Variants in CDK6 observed in about 807,000 individuals in gnomAD.
The protein encoded by CDK6 is cyclin dependent kinase 6.
In CDK6, 6 loss-of-function variants were observed where a neutral mutation model predicts 37.1. That is an observed-to-expected ratio of 0.16 (90% CI 0.09 to 0.32). CDK6 has a LOEUF of 0.32. Ranked by LOEUF, CDK6 falls within the 10% of genes least tolerant of loss-of-function variation. The pLI is 1.00. For synonymous variants in CDK6, 160 were observed against 161.3 expected, an observed-to-expected ratio of 0.99 and a Z score of 0.06; for missense variants, 224 against 418.9, an observed-to-expected ratio of 0.53 and a Z score of 4.06.
intron 5 of CDK6, among the ~76,000 whole-genome samples, chr7:92,658,394 A>C (rs896810508): frequency 6.6e-6 from 1 of 152,240 alleles, no homozygotes; most frequent in Admixed American, 6.5e-5. Flanking sequence ...TTAAATTATG[A>C]AATAAATGAA....
At chr7:92,720,279 AC>A (rs1274345458) in intron 4 of CDK6, among the ~76,000 whole-genome samples, 1 of 152,212 alleles carries the variant, frequency 6.6e-6, no homozygotes, top group Non-Finnish European at 1.5e-5. Context: ...TGAGAGTTCC[AC>A]AGAACACAGT....
intron 4 of CDK6, among the ~76,000 whole-genome samples, chr7:92,717,692 C>A (rs1003499660): frequency 1.3e-5 from 2 of 152,072 alleles, no homozygotes; most frequent in Admixed American, 1.3e-4. Context: ...AGAACTAATT[C>A]GCAACAGTGA....
Position 92,604,979 on chromosome 7 carries a change from TTAAAG to T in CDK6, c.*10156_*10160del, listed in dbSNP as rs1795393176. ...TCACTACAGTTATACTCATTTTACATTAAAGTAAAAAAGAAAATAGCCAGGAGAGT... is the reference window on the plus strand; with the variant it reads ...TCACTACAGTTATACTCATTTTACATTAAAAAAGAAAATAGCCAGGAGAGT... On this transcript the variant is annotated 3_prime_UTR_variant, in exon 8 of 8. Coordinates refer to ENST00000424848, the MANE Select transcript of CDK6 (RefSeq NM_001145306.2). The T allele has an allele frequency of 4.6e-6, 1 of 216,006 alleles. No homozygotes were observed. The highest frequency in any genetic ancestry group is 9.3e-6 in the Non-Finnish European group (1 of 107,804). The allele number at this position is 216,006 out of a possible 1,614,324, so 13.4% of individuals were successfully genotyped here.
chr7:92,775,915 A>C (rs1799838622), intron 2 of CDK6, among the ~76,000 whole-genome samples: 1 of 152,034 alleles, frequency 6.6e-6, no homozygotes, highest in South Asian at 2.1e-4. Context: ...TACCTCCGTT[A>C]ATTTTTTTTA....
chr7:92,741,058 G>C (rs1440946023), intron 3 of CDK6, among the ~76,000 whole-genome samples: 1 of 152,116 alleles, frequency 6.6e-6, no homozygotes, highest in Non-Finnish European at 1.5e-5. Context: ...TTGCTTGAAA[G>C]AGTAAAAAAA....
intron 2 of CDK6, among the ~76,000 whole-genome samples, chr7:92,815,640 A>G (rs562601754): frequency 6.6e-6 from 1 of 152,290 alleles, no homozygotes; most frequent in South Asian, 2.1e-4. Flanking sequence ...GAGGAACCTC[A>G]GAGTTCTGTA....
chr7:92,764,585 T>C (rs1321484178), intron 3 of CDK6, among the ~76,000 whole-genome samples: 1 of 152,188 alleles, frequency 6.6e-6, no homozygotes, highest in Admixed American at 6.5e-5. Flanking sequence ...TAAGAATCAA[T>C]CTTTCAGGAC....
At chr7:92,804,040 A>G (rs1473088572) in intron 2 of CDK6, among the ~76,000 whole-genome samples, 1 of 152,206 alleles carries the variant, frequency 6.6e-6, no homozygotes, top group Non-Finnish European at 1.5e-5. Flanking sequence ...CATATAGATT[A>G]GTGACATTTT....
chr7:92,628,430 G>A (rs1350631475), intron 5 of CDK6, among the ~76,000 whole-genome samples: 5 of 152,096 alleles, frequency 3.3e-5, no homozygotes, highest in African/African-American at 7.2e-5. Context: ...CAAACTGGAA[G>A]TTCTCTGAGG....
At position 92,605,012 on chromosome 7, in the gene CDK6, T is replaced by C; in HGVS notation, c.*10128A>G. 1 of 227,932 alleles carries C rather than the reference T, an allele frequency of 4.4e-6. No individual in the cohort carries two copies. The highest frequency in any genetic ancestry group is 8.7e-6 in the Non-Finnish European group (1 of 114,956). The allele number at this position is 227,932 out of a possible 1,614,324, so 14.1% of individuals were successfully genotyped here. ...AAAAAGAAAATAGCCAGGAGAGTAA[T>C]TCATCTCCAGAAAGCAGTTTAAAGT... On this transcript the variant is annotated 3_prime_UTR_variant, in exon 8 of 8. Coordinates refer to ENST00000424848, the MANE Select transcript of CDK6 (RefSeq NM_001145306.2).
chr7:92,652,658 C>T (rs987496003), intron 5 of CDK6, among the ~76,000 whole-genome samples: 2 of 152,142 alleles, frequency 1.3e-5, no homozygotes, highest in South Asian at 2.1e-4. Flanking sequence ...GAAAAATATA[C>T]TAACCCAACC....
chr7:92,814,040 T>C (rs112796408), intron 2 of CDK6, among the ~76,000 whole-genome samples: 1 of 152,238 alleles, frequency 6.6e-6, no homozygotes. Context: ...ACATGGGAAT[T>C]TCCTGCAAAG....
At chr7:92,792,508 A>G (rs948672954) in intron 2 of CDK6, among the ~76,000 whole-genome samples, 38 of 152,128 alleles carry the variant, frequency 2.5e-4, no homozygotes, top group Admixed American at 2.2e-3. Flanking sequence ...CAAAATATAT[A>G]TATTTTTTGA....
intron 2 of CDK6, among the ~76,000 whole-genome samples, chr7:92,779,058 T>C (rs921123132): frequency 1.3e-5 from 2 of 151,966 alleles, no homozygotes; most frequent in African/African-American, 4.8e-5. Flanking sequence ...CCCTGGACCG[T>C]TGTCTTAGAA....
intron 6 of CDK6, among the ~76,000 whole-genome samples, chr7:92,618,762 C>T (rs42235): frequency 0.31 from 47,050 of 152,066 alleles, 7,817 homozygotes; most frequent in African/African-American, 0.39. Flanking sequence ...CTAAAACGTG[C>T]TAGTCCTGCA....
intron 3 of CDK6, among the ~76,000 whole-genome samples, chr7:92,770,187 GCAGCCAACAGGC>G (rs1412299512): frequency 1.3e-5 from 2 of 152,122 alleles, no homozygotes; most frequent in Non-Finnish European, 1.5e-5. Context: ...TCACAGGACA[GCAGCCAACAGGC>G]TGCTTTATGC....
chr7:92,830,347 T>G (rs1286073498), intron 2 of CDK6, among the ~76,000 whole-genome samples: 1 of 152,208 alleles, frequency 6.6e-6, no homozygotes, highest in Non-Finnish European at 1.5e-5. Flanking sequence ...TTGAAAAAAC[T>G]AATATGTTTA....
chr7:92,834,041 G>A lies in CDK6; in HGVS notation c.-367-351C>T, dbSNP rs577774544. On this transcript the variant is annotated intron_variant, in intron 1 of 7. Coordinates refer to ENST00000424848, the MANE Select transcript of CDK6 (RefSeq NM_001145306.2). This position sits in a 1 kb window ranked among gnomAD's most constrained non-coding sequence, Gnocchi z 4.6. ...GAGGCGCCGGGCACGTCAATGTCAC[G>A]GCTTAATATTTATCCCTATATCATT... is the stretch of plus-strand genomic sequence containing the variant. 15 of 396,138 alleles carry A rather than the reference G, an allele frequency of 3.8e-5. No individual in the cohort carries two copies. The highest frequency in any genetic ancestry group is 2.7e-4 in the African/African-American group (13 of 48,526). The allele number at this position is 396,138 out of a possible 1,614,324, so 24.5% of individuals were successfully genotyped here.
At chr7:92,652,072 G>C (rs534825763) in intron 5 of CDK6, among the ~76,000 whole-genome samples, 9 of 152,336 alleles carry the variant, frequency 5.9e-5, no homozygotes, top group African/African-American at 2.2e-4. Flanking sequence ...ATAACGTATT[G>C]ATAGATTGTT....
Sources: gnomAD v4.1 joint callset for allele counts (sites outside exome capture counted in the v4.1 genomes callset) on GRCh38, gnomAD v4.1.1 for gene constraint, Gnocchi (gnomAD v3.1) non-coding constraint, MANE v1.5 for transcripts, NCBI Gene and HGNC (gene_info 2026-07-23, HGNC 2026-07-21) for gene names.